Variants in NELL1 observed in about 807,000 individuals in gnomAD.
The protein encoded by NELL1 is neural EGFL like 1, also known as protein kinase C-binding protein NELL1.
Under a neutral mutation model 107.4 loss-of-function variants are expected in NELL1, and 76 were observed. The observed-to-expected ratio is 0.71, with a 90% CI of 0.59 to 0.86. NELL1 has a LOEUF of 0.86. Among genes scored for constraint, NELL1 ranks in the 40% least tolerant of loss-of-function variants. The probability of loss-of-function intolerance (pLI) is 0.00; values close to 1 mark genes in which losing one functional copy is unlikely to be tolerated. For missense variants in NELL1, 1,024 were observed against 1,005.5 expected (o/e 1.02, Z -0.25); for synonymous variants, 353 against 341.2 (o/e 1.03, Z -0.38).
chr11:21,302,872 A>G (rs1293539043), intron 14 of NELL1, among the ~76,000 whole-genome samples: 2 of 151,752 alleles, frequency 1.3e-5, no homozygotes, highest in Non-Finnish European at 2.9e-5. Context: ...CCTGGGCAGT[A>G]TAGTGAGACC....
At chr11:21,081,438 A>G (rs1209074745) in intron 12 of NELL1, among the ~76,000 whole-genome samples, 1 of 151,930 alleles carries the variant, frequency 6.6e-6, no homozygotes, top group Non-Finnish European at 1.5e-5. Context: ...TCCAGCCCAT[A>G]TCTTTTCTTT....
At chr11:20,671,919 A>C (rs1173664602) in intron 1 of NELL1, among the ~76,000 whole-genome samples, 1 of 152,172 alleles carries the variant, frequency 6.6e-6, no homozygotes, top group Non-Finnish European at 1.5e-5. Context: ...CCAGGTGGAC[A>C]AAGTGGGAAG....
intron 13 of NELL1, among the ~76,000 whole-genome samples, chr11:21,130,157 A>T (rs532106613): frequency 2.3e-4 from 35 of 152,204 alleles, no homozygotes; most frequent in African/African-American, 8.4e-4. Context: ...CATCTGCTCG[A>T]TGACTTAGGA....
intron 15 of NELL1, among the ~76,000 whole-genome samples, chr11:21,414,443 G>A (rs1045256327): frequency 6.6e-6 from 1 of 152,026 alleles, no homozygotes; most frequent in African/African-American, 2.4e-5. Context: ...GAATGAGAAA[G>A]GGATTTTTAG....
chr11:21,321,800 C>G (rs78058101), intron 14 of NELL1, among the ~76,000 whole-genome samples: 3,704 of 152,266 alleles, frequency 0.024, 169 homozygotes, highest in African/African-American at 0.085. Flanking sequence ...CTGCACAGTC[C>G]CACACATGGT....
chr11:21,064,602 T>C (rs2134368228), intron 12 of NELL1, among the ~76,000 whole-genome samples: 1 of 152,218 alleles, frequency 6.6e-6, no homozygotes, highest in African/African-American at 2.4e-5. Flanking sequence ...GAGTATAAGC[T>C]GAGTGGCCTG....
At chr11:20,774,039 C>T (rs1465362360) in intron 2 of NELL1, among the ~76,000 whole-genome samples, 1 of 111,326 alleles carries the variant, frequency 9.0e-6, no homozygotes, top group Non-Finnish European at 1.9e-5. Context: ...CTCCCCTCCC[C>T]TCCTGTCCCC....
intron 6 of NELL1, among the ~76,000 whole-genome samples, chr11:20,918,831 A>G (rs1241062848): frequency 1.3e-5 from 2 of 151,996 alleles, no homozygotes; most frequent in Non-Finnish European, 2.9e-5. Flanking sequence ...ATTTGAAAAG[A>G]AGAGGGTTAC....
At chr11:21,207,102 A>C (rs1290844733) in intron 13 of NELL1, among the ~76,000 whole-genome samples, 1 of 152,212 alleles carries the variant, frequency 6.6e-6, no homozygotes, top group East Asian at 1.9e-4. Flanking sequence ...GAAACATTGG[A>C]CCACAGTTAA....
At chr11:21,524,452 G>A (rs1289049546) in intron 15 of NELL1, among the ~76,000 whole-genome samples, 3 of 152,070 alleles carry the variant, frequency 2.0e-5, no homozygotes, top group African/African-American at 7.2e-5. Context: ...TGGTAGAACT[G>A]TTAAACACTA....
At chr11:21,275,816 T>A (rs1848844227) in intron 14 of NELL1, among the ~76,000 whole-genome samples, 1 of 152,204 alleles carries the variant, frequency 6.6e-6, no homozygotes, top group Non-Finnish European at 1.5e-5. Context: ...ATTATCTCAG[T>A]AGATGCAGAA....
At chr11:21,078,643 T>A (rs901840488) in intron 12 of NELL1, among the ~76,000 whole-genome samples, 3 of 152,098 alleles carry the variant, frequency 2.0e-5, no homozygotes, top group Non-Finnish European at 2.9e-5. Context: ...CATACCAACA[T>A]ACACACAGAG....
chr11:20,770,314 G>A (rs1856615052), intron 2 of NELL1, among the ~76,000 whole-genome samples: 1 of 152,158 alleles, frequency 6.6e-6, no homozygotes, highest in Admixed American at 6.5e-5. Flanking sequence ...AATACAGTCA[G>A]AATAACATCT....
intron 3 of NELL1, among the ~76,000 whole-genome samples, chr11:20,812,294 T>A (rs1012867188): frequency 6.6e-6 from 1 of 152,200 alleles, no homozygotes; most frequent in Admixed American, 6.5e-5. Flanking sequence ...TCCTACTTGA[T>A]AATGGTGAAG....
chr11:21,496,151 G>A (rs1215060179), intron 15 of NELL1, among the ~76,000 whole-genome samples: 1 of 151,750 alleles, frequency 6.6e-6, no homozygotes, highest in African/African-American at 2.4e-5. Flanking sequence ...CTCAAAATTT[G>A]TACTTCTTAT....
rs371893947 is a variant in NELL1 at position 20,677,928 on chromosome 11, C to A, written c.56-4C>A. 6.2e-7 allele frequency: 1 copy of A among 1,613,958 alleles called. No homozygotes were observed. The highest frequency in any genetic ancestry group is 1.7e-5 in the Admixed American group (1 of 60,016). On this transcript the variant is annotated splice_region_variant and splice_polypyrimidine_tract_variant and intron_variant, in intron 1 of 19. Transcript: ENST00000357134. Reference sequence around the variant, plus strand: ...AGCCCAAACAACTCTTTGTTCCTTTCCAGTGGTGGGCTTTGGGATGGACCC... The same window carrying A: ...AGCCCAAACAACTCTTTGTTCCTTTACAGTGGTGGGCTTTGGGATGGACCC...
chr11:21,367,892 T>A (rs1299974779), intron 14 of NELL1, among the ~76,000 whole-genome samples: 1 of 152,112 alleles, frequency 6.6e-6, no homozygotes, highest in Non-Finnish European at 1.5e-5. Flanking sequence ...CTTGTTTTGC[T>A]TCTGCCATCA....
At chr11:21,302,266 C>T (rs547834391) in intron 14 of NELL1, among the ~76,000 whole-genome samples, 1 of 152,060 alleles carries the variant, frequency 6.6e-6, no homozygotes, top group East Asian at 1.9e-4. Context: ...CAGATGCCTT[C>T]ACTGTCATGG....
rs559540872 is a variant in NELL1 at position 21,140,130 on chromosome 11, C to T, written c.1426+26416C>T. ...ACCGTGACTGGCAGATACACTGATT[C>T]GCTGAAGCTTAATCACATGCTCCAT... On this transcript the variant is annotated intron_variant, in intron 13 of 19. Coordinates refer to ENST00000357134, the MANE Select transcript of NELL1 (RefSeq NM_006157.5). 2.8e-4 allele frequency among the ~76,000 whole-genome samples: 43 copies of T among 152,224 alleles called. 1 individual carries two copies. In the South Asian group the frequency reaches 5.6e-3, roughly 20 times the overall value.
Sources: gnomAD v4.1 joint callset for allele counts (sites outside exome capture counted in the v4.1 genomes callset) on GRCh38, gnomAD v4.1.1 for gene constraint, MANE v1.5 for transcripts, NCBI Gene and HGNC (gene_info 2026-07-23, HGNC 2026-07-21) for gene names.